The following SHANK2 variants were observed in gnomAD, a reference collection of about 807,000 sequenced individuals.
SHANK2 encodes the protein SH3 and multiple ankyrin repeat domains protein 2.
SHANK2 carries 43 observed loss-of-function variants against 133.7 expected under a neutral mutation model. The observed-to-expected ratio is 0.32, with a 90% confidence interval of 0.25 to 0.41. The LOEUF (loss-of-function observed/expected upper bound fraction) is 0.41. SHANK2 is among the 10% of genes least tolerant of loss of function. The pLI is 1.00. For missense variants in SHANK2, 1,994 were observed against 2,235.8 expected (o/e 0.89, Z 2.18); for synonymous variants, 1,017 against 952.8 (o/e 1.07, Z -1.24).
chr11:71,079,722 T>A (rs1005781834), intron 8 of SHANK2, among the ~76,000 whole-genome samples: 5 of 148,220 alleles, frequency 3.4e-5, no homozygotes, highest in Non-Finnish European at 3.0e-5. Flanking sequence ...ATCACGCCAC[T>A]GCACTCCAGC....
chr11:70,729,676 T>C (rs1177055992), intron 14 of SHANK2, among the ~76,000 whole-genome samples: 11 of 151,590 alleles, frequency 7.3e-5, no homozygotes, highest in South Asian at 2.1e-4. Flanking sequence ...AGGTGCCCGC[T>C]ACCACACCCG....
Position 71,115,148 on chromosome 11 carries a change from C to A in SHANK2, c.412-1784G>T, listed in dbSNP as rs550224581. ...ATCTCAGCCTTTGCAGTGGGTCATG[C>A]AAAGGAGATTAATAAACCTAAGTAT... On this transcript the variant is annotated intron_variant, in intron 4 of 25. Coordinates refer to ENST00000601538, the MANE Select transcript of SHANK2 (RefSeq NM_012309.5). Among the ~76,000 whole-genome samples, 5 of 152,262 alleles carry A rather than the reference C, an allele frequency of 3.3e-5. No homozygotes were observed. In the South Asian group the frequency reaches 1.0e-3, roughly 32 times the overall value.
intron 2 of SHANK2, among the ~76,000 whole-genome samples, chr11:71,155,872 C>T (rs782724555): frequency 3.3e-5 from 5 of 152,194 alleles, no homozygotes; most frequent in Admixed American, 2.0e-4. Context: ...ATGTGGAAGT[C>T]CGAATCCCCG....
In SHANK2 at chr11:71,148,171, G is replaced by A. The variant is rs150460385; in HGVS notation, c.-12-833C>T. On this transcript the variant is annotated intron_variant, in intron 2 of 25. Transcript: ENST00000601538. Reference sequence around the variant, plus strand: ...GTGATCTCGGCTCACCGCAACCTCCGCCTCCCGGGTTCAGACGATTCTCCT... The same window carrying A: ...GTGATCTCGGCTCACCGCAACCTCCACCTCCCGGGTTCAGACGATTCTCCT... Among the ~76,000 whole-genome samples the A allele has an allele frequency of 8.5e-3, 1,265 of 149,186 alleles. 21 individuals are homozygous for A. Among genetic ancestry groups the A allele is most frequent in the African/African-American group, 0.03 (1,216 of 40,396 alleles).
At chr11:71,147,029 G>A in intron 3 of SHANK2, 91 bp downstream of exon 3, 2 of 1,091,966 alleles carry the variant, frequency 1.8e-6, no homozygotes, top group Non-Finnish European at 2.6e-6. Context: ...TCAGGACCGT[G>A]GGTCCGGGGA....
chr11:70,536,987 T>A (rs1565108380), intron 17 of SHANK2, among the ~76,000 whole-genome samples: 1 of 152,176 alleles, frequency 6.6e-6, no homozygotes, highest in Non-Finnish European at 1.5e-5. Flanking sequence ...CTGAGCCGTG[T>A]TGAGTGTTGG....
intron 9 of SHANK2, among the ~76,000 whole-genome samples, chr11:71,067,244 G>T (rs932434393): frequency 6.6e-6 from 1 of 152,346 alleles, no homozygotes; most frequent in South Asian, 2.1e-4. Context: ...CAAGGGCACA[G>T]ATGCAAACAG....
intron 11 of SHANK2, among the ~76,000 whole-genome samples, chr11:70,862,565 G>T (rs1949277281): frequency 6.6e-6 from 1 of 151,996 alleles, no homozygotes; most frequent in African/African-American, 2.4e-5. Context: ...GACTGGACTG[G>T]CTGATGGACT....
At chr11:70,562,301 G>T (rs1224688250) in intron 17 of SHANK2, among the ~76,000 whole-genome samples, 1 of 152,196 alleles carries the variant, frequency 6.6e-6, no homozygotes, top group African/African-American at 2.4e-5. Context: ...AAGTCAAGCT[G>T]GTTGATGGGT....
intron 14 of SHANK2, among the ~76,000 whole-genome samples, chr11:70,747,890 A>G (rs782106320): frequency 4.8e-4 from 73 of 152,250 alleles, no homozygotes; most frequent in Non-Finnish European, 4.9e-4. Flanking sequence ...TGATGTACAT[A>G]TAGCACACAC....
intron 17 of SHANK2, among the ~76,000 whole-genome samples, chr11:70,629,977 C>T (rs930285845): frequency 1.3e-5 from 2 of 152,312 alleles, no homozygotes; most frequent in Middle Eastern, 3.4e-3. Context: ...GACCAGGAGA[C>T]CCCAGGGTGC....
At chr11:70,886,159 G>A (rs1431611239) in intron 11 of SHANK2, among the ~76,000 whole-genome samples, 7 of 152,146 alleles carry the variant, frequency 4.6e-5, no homozygotes, top group African/African-American at 1.2e-4. Flanking sequence ...GAAGAGGGAC[G>A]AGACAAGACG....
chr11:70,622,351 C>T (rs1565188061), intron 17 of SHANK2, among the ~76,000 whole-genome samples: 1 of 152,016 alleles, frequency 6.6e-6, no homozygotes, highest in African/African-American at 2.4e-5. Context: ...CCCAAAACCA[C>T]CCCCAGCCTC....
At chr11:70,620,634 T>C (rs925144954) in intron 17 of SHANK2, among the ~76,000 whole-genome samples, 7 of 152,072 alleles carry the variant, frequency 4.6e-5, no homozygotes, top group Non-Finnish European at 1.0e-4. Flanking sequence ...TGAATGTCTG[T>C]ATCCCCCCAA....
intron 1 of SHANK2, among the ~76,000 whole-genome samples, chr11:71,247,302 A>AT (rs1954973879): frequency 6.6e-6 from 1 of 152,208 alleles, no homozygotes; most frequent in Non-Finnish European, 1.5e-5. Flanking sequence ...AGCCTTTACA[A>AT]ATATTTAAAC....
intron 1 of SHANK2, among the ~76,000 whole-genome samples, chr11:71,237,247 G>A (rs543523608): frequency 2.6e-5 from 4 of 152,316 alleles, no homozygotes; most frequent in African/African-American, 9.6e-5. Flanking sequence ...GAGCCCGGCT[G>A]TAGTGGGCAA....
chr11:71,210,464 T>C (rs1954250318), intron 2 of SHANK2, among the ~76,000 whole-genome samples: 1 of 151,506 alleles, frequency 6.6e-6, no homozygotes, highest in Non-Finnish European at 1.5e-5. Context: ...TTAGCCAGGA[T>C]GGTCTCAAAT....
intron 9 of SHANK2, among the ~76,000 whole-genome samples, chr11:71,060,139 G>T (rs942311361): frequency 6.6e-6 from 1 of 152,136 alleles, no homozygotes; most frequent in Non-Finnish European, 1.5e-5. Flanking sequence ...TTGCCTTCAC[G>T]GGAACATCCG....
chr11:70,489,604 G>A, intron 23 of SHANK2: 1 of 549,790 alleles, frequency 1.8e-6, no homozygotes, highest in South Asian at 2.0e-5. Flanking sequence ...GAGTCCCAGG[G>A]TTGCCTCCAC....
Sources: allele counts gnomAD v4.1 joint callset (sites outside exome capture counted in the v4.1 genomes callset), GRCh38; gene constraint gnomAD v4.1.1; transcripts MANE v1.5; gene names NCBI Gene and HGNC (gene_info 2026-07-23, HGNC 2026-07-21).